The following MIR17HG variants were observed in gnomAD, a reference collection of about 807,000 sequenced individuals.
MIR17HG encodes the protein MIR17 host gene (non-protein coding).
At chr13:91,347,910 G>T (rs575976100) in exon 1 of MIR17HG, 50 of 151,768 alleles carry the variant, frequency 3.3e-4, no homozygotes, top group African/African-American at 1.2e-3. Flanking sequence ...GGAGGCGGGA[G>T]CAGGAGCCCG....
intron 3 of MIR17HG, chr13:91,352,356 G>A (rs1875358344): frequency 1.3e-5 from 2 of 152,054 alleles, no homozygotes; most frequent in Non-Finnish European, 2.9e-5. Flanking sequence ...CTGAATAATA[G>A]ATTTAAAAGG....
chr13:91,354,209 C>T lies in MIR17HG; in HGVS notation n.561C>T, dbSNP rs577679656. On this transcript the variant is annotated non_coding_transcript_exon_variant, in exon 4 of 4. Coordinates refer to ENST00000400282, the Ensembl canonical transcript of MIR17HG. ...GTTTGATGGAAATAAGATCATCATG[C>T]CCACTTGAGACTTCAGATTATTCTT... 3 of 152,270 alleles carry T rather than the reference C, an allele frequency of 2.0e-5. No homozygotes were observed. In the South Asian group the frequency reaches 6.2e-4, roughly 32 times the overall value. 9.4% of individuals were successfully genotyped at this position (152,270 alleles called of 1,614,324 possible).
chr13:91,351,092 T>G (rs1390082123), intron 3 of MIR17HG: 1 of 524,566 alleles, frequency 1.9e-6, no homozygotes, highest in Non-Finnish European at 4.0e-6. Flanking sequence ...ATAGTGCAGG[T>G]AGTGTTTAGT....
At chr13:91,349,482 C>A (rs1460356256) in intron 1 of MIR17HG, among the ~76,000 whole-genome samples, 1 of 151,924 alleles carries the variant, frequency 6.6e-6, no homozygotes, top group Non-Finnish European at 1.5e-5. Flanking sequence ...TATCTGATAG[C>A]TAAGGATTTT....
intron 1 of MIR17HG, among the ~76,000 whole-genome samples, chr13:91,349,338 G>T (rs1875161605): frequency 6.6e-6 from 1 of 151,976 alleles, no homozygotes; most frequent in African/African-American, 2.4e-5. Context: ...CAGCCACGAG[G>T]TCTTGATTGG....
chr13:91,354,457 TAC>T (rs1312471992), exon 4 of MIR17HG: 1 of 152,234 alleles, frequency 6.6e-6, no homozygotes, highest in African/African-American at 2.4e-5. Context: ...GTTCTGTATT[TAC>T]AGTTTGGTCT....
intron 1 of MIR17HG, chr13:91,348,095 G>C (rs1467232093): frequency 2.1e-5 from 3 of 142,092 alleles, no homozygotes; most frequent in Non-Finnish European, 4.7e-5. Context: ...GGCGGGTCTC[G>C]GCCGTTGGCC....
intron 1 of MIR17HG, among the ~76,000 whole-genome samples, chr13:91,348,537 C>G (rs1228486722): frequency 6.6e-6 from 1 of 151,084 alleles, no homozygotes; most frequent in East Asian, 2.0e-4. Flanking sequence ...TTTGTACGCG[C>G]GAGGGTGGGC....
chr13:91,349,323 G>T (rs891804509), intron 1 of MIR17HG, among the ~76,000 whole-genome samples: 1 of 152,062 alleles, frequency 6.6e-6, no homozygotes, highest in Non-Finnish European at 1.5e-5. Flanking sequence ...CTTTATCCCG[G>T]CTTGCAGCCA....
intron 3 of MIR17HG, chr13:91,350,535 T>TC (rs1280309197): frequency 3.8e-6 from 2 of 530,798 alleles, no homozygotes; most frequent in Non-Finnish European, 7.7e-6. Context: ...AGGTGTTAAT[T>TC]CTAATTATCT....
At chr13:91,351,551 G>T in intron 3 of MIR17HG, 2 of 334,892 alleles carry the variant, frequency 6.0e-6, no homozygotes, top group Non-Finnish European at 1.2e-5. Context: ...CACTTTTGGG[G>T]TTGCGTGTCA....
At chr13:91,353,413 TGTG>T (rs1240484952) in intron 3 of MIR17HG, among the ~76,000 whole-genome samples, 1 of 152,210 alleles carries the variant, frequency 6.6e-6, no homozygotes, top group Non-Finnish European at 1.5e-5. Flanking sequence ...TATGTTTTGT[TGTG>T]GGTTTGGTAG....
At chr13:91,351,002 A>G (rs1287297667) in intron 3 of MIR17HG, 1 of 529,072 alleles carries the variant, frequency 1.9e-6, no homozygotes, top group Non-Finnish European at 3.9e-6. Flanking sequence ...ATTTTTACTA[A>G]TTTTGTGTAC....
chr13:91,349,506 C>T (rs1273324976), intron 1 of MIR17HG, among the ~76,000 whole-genome samples: 1 of 151,994 alleles, frequency 6.6e-6, no homozygotes, highest in Non-Finnish European at 1.5e-5. Context: ...ACTTTATTCT[C>T]TTACGTATTT....
intron 3 of MIR17HG, chr13:91,352,005 A>G (rs1351021352): frequency 6.5e-6 from 1 of 152,786 alleles, no homozygotes; most frequent in Non-Finnish European, 1.5e-5. Flanking sequence ...AGCATCTGCA[A>G]CTTAAAAAAA....
intron 3 of MIR17HG, chr13:91,352,374 G>C (rs952155037): frequency 2.6e-5 from 4 of 152,046 alleles, no homozygotes; most frequent in African/African-American, 9.7e-5. Flanking sequence ...AGGACCAAGT[G>C]GTAAAATTGG....
Position 91,353,142 on chromosome 13 carries a change from A to G in MIR17HG, n.285-791A>G, listed in dbSNP as rs531195292. On this transcript the variant is annotated intron_variant and non_coding_transcript_variant, in intron 3 of 3. Coordinates refer to ENST00000400282, the Ensembl canonical transcript of MIR17HG. ...AAAAAAAAAAAAAAAAAAAAGTTTC[A>G]TAATACAGCATGGTCTGGTAGTTTG... 1.2e-4 allele frequency among the ~76,000 whole-genome samples: 18 copies of G among 148,856 alleles called. No individual in the cohort carries two copies. In the South Asian group the frequency reaches 3.6e-3, roughly 30 times the overall value.
intron 3 of MIR17HG, chr13:91,352,120 T>A (rs974631515): frequency 6.6e-6 from 1 of 152,240 alleles, no homozygotes; most frequent in African/African-American, 2.4e-5. Flanking sequence ...ATTCAGATAT[T>A]CATTTATTTC....
At chr13:91,353,932 G>C (rs1594016659) in intron 3 of MIR17HG, 1 of 152,734 alleles carries the variant, frequency 6.5e-6, no homozygotes, top group South Asian at 2.1e-4. Context: ...TCATTTTACA[G>C]GCAGACCTGT....
Sources: allele counts gnomAD v4.1 joint callset (sites outside exome capture counted in the v4.1 genomes callset), GRCh38; gene constraint gnomAD v4.1.1; transcripts MANE v1.5; gene names NCBI Gene and HGNC (gene_info 2026-07-23, HGNC 2026-07-21).